Variants in EEFSEC observed in about 807,000 individuals in gnomAD.
EEFSEC encodes selenocysteine-specific elongation factor.
EEFSEC carries 43 observed loss-of-function variants against 42.1 expected under a neutral mutation model. That is an observed-to-expected ratio of 1.02 (90% CI 0.80 to 1.32). The LOEUF is 1.32. Ranked by LOEUF, EEFSEC falls within the 40% of genes most tolerant of loss-of-function variation. The pLI is 0.00. For synonymous variants in EEFSEC, 354 were observed against 339.1 expected (o/e 1.04, Z -0.48); for missense variants, 745 against 803.6 (o/e 0.93, Z 0.88).
At chr3:128,307,413 C>G (rs2066840449) in intron 4 of EEFSEC, among the ~76,000 whole-genome samples, 1 of 152,160 alleles carries the variant, frequency 6.6e-6, no homozygotes, top group Admixed American at 6.5e-5. Flanking sequence ...GTGATTATGT[C>G]TAGGTATCAG....
At chr3:128,262,608 G>A (rs1250696491) in intron 3 of EEFSEC, among the ~76,000 whole-genome samples, 1 of 152,170 alleles carries the variant, frequency 6.6e-6, no homozygotes, top group East Asian at 1.9e-4. Context: ...AGCTCCTCCA[G>A]TACCCCACCT....
At chr3:128,400,501 A>C (rs1380598420) in intron 6 of EEFSEC, among the ~76,000 whole-genome samples, 1 of 152,182 alleles carries the variant, frequency 6.6e-6, no homozygotes, top group African/African-American at 2.4e-5. Context: ...GACCCCAAAG[A>C]GATCCCCTGC....
At chr3:128,304,766 C>G (rs950098247) in intron 4 of EEFSEC, among the ~76,000 whole-genome samples, 1 of 151,306 alleles carries the variant, frequency 6.6e-6, no homozygotes, top group Non-Finnish European at 1.5e-5. Flanking sequence ...TGCAATGGTG[C>G]GTTCAGGGCT....
rs567239794 is a variant in EEFSEC, at chr3:128,317,934, T to A, written c.787-23299T>A. ...GGCTCCCCCACCCTCCTTGCCACAC[T>A]GGGGCAGCCCTTGCCATGTGGGCCA... On this transcript the variant is annotated intron_variant, in intron 4 of 6. Transcript: ENST00000254730. This position sits in a 1 kb window ranked among gnomAD's most constrained non-coding sequence, Gnocchi z 4.1. Among the ~76,000 whole-genome samples the A allele has an allele frequency of 2.6e-5, 4 of 152,340 alleles. No individual in the cohort carries two copies. The East Asian group carries it at 7.7e-4, about 29-fold the overall frequency.
chr3:128,265,180 G>A (rs958235642), intron 4 of EEFSEC, among the ~76,000 whole-genome samples: 11 of 152,170 alleles, frequency 7.2e-5, no homozygotes, highest in African/African-American at 2.7e-4. Flanking sequence ...GCAAGTATGT[G>A]TGGAGTTATT....
chr3:128,315,283 T>C (rs1350960409), intron 4 of EEFSEC, among the ~76,000 whole-genome samples: 2 of 152,190 alleles, frequency 1.3e-5, no homozygotes, highest in Non-Finnish European at 2.9e-5. Flanking sequence ...GTATGTGATA[T>C]GTGCTCCATG....
intron 1 of EEFSEC, among the ~76,000 whole-genome samples, chr3:128,174,008 G>C (rs2811474): frequency 0.14 from 21,027 of 152,212 alleles, 1,666 homozygotes; most frequent in Admixed American, 0.2. Flanking sequence ...GAATGGTGGG[G>C]ACCCAACTGC....
At chr3:128,157,206 A>C (rs1944396573) in intron 1 of EEFSEC, among the ~76,000 whole-genome samples, 1 of 152,252 alleles carries the variant, frequency 6.6e-6, no homozygotes, top group South Asian at 2.1e-4. Context: ...CAATTCTATG[A>C]AGGCTGAGAG....
chr3:128,229,999 A>G (rs1242189120), intron 1 of EEFSEC, among the ~76,000 whole-genome samples: 1 of 140,482 alleles, frequency 7.1e-6, no homozygotes, highest in Admixed American at 7.0e-5. Context: ...TCTTTCTTTT[A>G]TTTTTTCTTT....
intron 6 of EEFSEC, among the ~76,000 whole-genome samples, chr3:128,399,098 A>C (rs1017028036): frequency 1.6e-5 from 2 of 123,412 alleles, no homozygotes; most frequent in Non-Finnish European, 3.1e-5. Context: ...AAATAAATAA[A>C]TAAATAAAAT....
intron 4 of EEFSEC, among the ~76,000 whole-genome samples, chr3:128,284,028 C>T (rs2107971553): frequency 6.6e-6 from 1 of 152,354 alleles, no homozygotes; most frequent in Admixed American, 6.5e-5. Flanking sequence ...ATCAGCCTCC[C>T]TCCAGCAGTT....
chr3:128,186,726 A>C (rs1012904595), intron 1 of EEFSEC, among the ~76,000 whole-genome samples: 34 of 152,334 alleles, frequency 2.2e-4, no homozygotes, highest in African/African-American at 7.9e-4. Context: ...AGTTGACTGT[A>C]AATGTGAAAG....
intron 1 of EEFSEC, among the ~76,000 whole-genome samples, chr3:128,155,508 GA>G (rs1157853575): frequency 2.6e-5 from 4 of 152,056 alleles, no homozygotes; most frequent in Admixed American, 2.6e-4. Flanking sequence ...TTTGTTTTTA[GA>G]AAAAATGATA....
intron 6 of EEFSEC, among the ~76,000 whole-genome samples, chr3:128,375,303 C>T (rs1454684294): frequency 6.6e-6 from 1 of 152,212 alleles, no homozygotes; most frequent in African/African-American, 2.4e-5. Context: ...GCCACTGCCT[C>T]TTCATGTGCC....
chr3:128,226,635 G>T (rs1275647562), intron 1 of EEFSEC, among the ~76,000 whole-genome samples: 3 of 152,108 alleles, frequency 2.0e-5, no homozygotes, highest in African/African-American at 7.2e-5. Flanking sequence ...TGCTTGCTTA[G>T]CAGAAACTTC....
intron 1 of EEFSEC, among the ~76,000 whole-genome samples, chr3:128,185,328 C>T (rs1309129873): frequency 6.6e-6 from 1 of 151,688 alleles, no homozygotes; most frequent in African/African-American, 2.4e-5. Context: ...TATTATGAAG[C>T]ACTTCATATA....
At chr3:128,398,803 G>A (rs1385087028) in intron 6 of EEFSEC, among the ~76,000 whole-genome samples, 2 of 152,148 alleles carry the variant, frequency 1.3e-5, no homozygotes, top group Middle Eastern at 3.2e-3. Flanking sequence ...AGGGCTGGCT[G>A]CACTAGGAAT....
chr3:128,227,137 CCTT>C (rs1436920346), intron 1 of EEFSEC, among the ~76,000 whole-genome samples: 2 of 152,200 alleles, frequency 1.3e-5, no homozygotes, highest in African/African-American at 2.4e-5. Context: ...ACCTACCATG[CCTT>C]CTTCAGTCCC....
intron 4 of EEFSEC, among the ~76,000 whole-genome samples, chr3:128,288,061 T>G (rs956806058): frequency 4.0e-5 from 6 of 150,772 alleles, no homozygotes; most frequent in Non-Finnish European, 5.9e-5. Context: ...ATAATACAGG[T>G]ACGCCATCAT....
Sources: gnomAD v4.1 joint callset for allele counts (sites outside exome capture counted in the v4.1 genomes callset) on GRCh38, gnomAD v4.1.1 for gene constraint, Gnocchi (gnomAD v3.1) non-coding constraint, MANE v1.5 for transcripts, NCBI Gene and HGNC (gene_info 2026-07-23, HGNC 2026-07-21) for gene names.